Variants in PLS3 observed in about 807,000 individuals in gnomAD.
PLS3 encodes the protein plastin-3.
PLS3 carries 11 observed loss-of-function variants against 46.5 expected under a neutral mutation model. The observed-to-expected ratio is 0.24, with a 90% CI of 0.15 to 0.39. The LOEUF (loss-of-function observed/expected upper bound fraction) is 0.39, where lower values mean the gene tolerates loss of function less well. Ranked by LOEUF, PLS3 falls within the 10% of genes least tolerant of loss-of-function variation. PLS3 has a pLI of 1.00. For synonymous variants in PLS3, 167 were observed against 162.2 expected (o/e 1.03, Z -0.22); for missense variants, 308 against 461.8 (o/e 0.67, Z 3.05).
chrX:115,569,666 C>T (rs2074200582), intron 1 of PLS3, among the ~76,000 whole-genome samples: 2 of 111,618 alleles, frequency 1.8e-5, no homozygotes, highest in Non-Finnish European at 3.8e-5. Flanking sequence ...TTGTACATTA[C>T]ATATCCCTCC....
chrX:115,617,330 C>T (rs1219757513), intron 2 of PLS3, among the ~76,000 whole-genome samples: 4 of 111,732 alleles, frequency 3.6e-5, no homozygotes, highest in Non-Finnish European at 7.5e-5. Flanking sequence ...GATCTGAAGG[C>T]TGCTGGGTAG....
At chrX:115,563,611 G>T (rs1392913854) in intron 1 of PLS3, among the ~76,000 whole-genome samples, 1 of 111,904 alleles carries the variant, frequency 8.9e-6, no homozygotes, top group Non-Finnish European at 1.9e-5. Context: ...AACAACTAGG[G>T]CAGAAGATAT....
rs782335087 is a variant in PLS3, at chrX:115,636,844, G to A, written c.757G>A (p.Ala253Thr). The A allele has an allele frequency of 8.4e-7, 1 of 1,188,988 alleles. No individual in the cohort carries two copies. The highest frequency in any genetic ancestry group is 1.9e-5 in the South Asian group (1 of 53,276). Reference protein sequence around the residue: ...IELSRNEALAALLRDGETLEE... With the variant: ...IELSRNEALATLLRDGETLEE... ...TTTTTTTTTTCTTCTAGCCTTGGCT[G>A]CTTTACTCCGAGATGGTGAGACTTT... is the stretch of plus-strand genomic sequence containing the variant. The change falls in exon 8 of 16, where the codon GCT (alanine) becomes ACT (threonine). Residue 253 changes from alanine (A) to threonine (T), a missense_variant. By Grantham distance (58) the Ala-to-Thr change is moderately conservative (BLOSUM62 0). This residue lies in a region of PLS3 where 271 missense variants were observed against 435.7 expected (regional missense o/e 0.62). Coordinates refer to ENST00000355899, the MANE Select transcript of PLS3 (RefSeq NM_005032.7).
rs782103674 is a variant in PLS3, at chrX:115,629,929, T to C, written c.462T>C (p.Asp154=). 5 of 1,186,423 alleles carry C rather than the reference T, an allele frequency of 4.2e-6. No individual in the cohort carries two copies. The highest frequency in any genetic ancestry group is 3.7e-5 in the South Asian group (2 of 54,252). ...TTATACCAATGAACCCTAACACCGA[T>C]GACCTGTTCAAAGCTGTTGGTGATG... ...RHVIPMNPNT[D]DLFKAVGDGI... The change falls in exon 5 of 16, where the codon GAT becomes GAC. Residue 154 remains aspartate (D), a synonymous_variant. Transcript: ENST00000355899.
intron 1 of PLS3, chrX:115,562,666 C>T (rs2074147056): frequency 9.0e-6 from 1 of 111,604 alleles, no homozygotes; most frequent in African/African-American, 3.3e-5. Context: ...GGAGCCTAAA[C>T]TTGATCCTCG....
intron 1 of PLS3, among the ~76,000 whole-genome samples, chrX:115,575,253 A>G (rs1373636496): frequency 1.8e-5 from 2 of 111,528 alleles, no homozygotes; most frequent in Admixed American, 9.6e-5. Flanking sequence ...CCATCGATGG[A>G]TATTTGGGGT....
At chrX:115,599,956 T>C (rs914194154) in intron 1 of PLS3, among the ~76,000 whole-genome samples, 3 of 110,723 alleles carry the variant, frequency 2.7e-5, no homozygotes, top group Admixed American at 9.8e-5. Context: ...TAATTGTGCT[T>C]CACAGCTTTG....
Position 115,634,896 on chromosome X carries a change from G to A in PLS3, c.598G>A (p.Ala200Thr). ...TGTCTTGCAGGAAAACTTGAACTTG[G>A]CACTGAACTCTGCTTCTGCCATTGG... ...PFIIQENLNL[A>T]LNSASAIGCH... Residue 200 changes from alanine (A) to threonine (T), a missense_variant, in exon 7 of 16, where the codon GCA becomes ACA. By Grantham distance (58) the Ala-to-Thr change is moderately conservative. This residue lies in a region of PLS3 where 271 missense variants were observed against 435.7 expected (regional missense o/e 0.62). Coordinates refer to ENST00000355899, the MANE Select transcript of PLS3 (RefSeq NM_005032.7). 8.3e-7 allele frequency: 1 copy of A among 1,207,648 alleles called. No individual in the cohort carries two copies. The highest frequency in any genetic ancestry group is 3.0e-5 in the East Asian group (1 of 33,785).
intron 1 of PLS3, among the ~76,000 whole-genome samples, chrX:115,592,680 G>GT (rs1325152118): frequency 9.0e-6 from 1 of 111,680 alleles, no homozygotes; most frequent in Non-Finnish European, 1.9e-5. Context: ...CAGTTATCAC[G>GT]TATCTAGTAC....
At chrX:115,579,157 AT>A (rs781973043) in intron 1 of PLS3, among the ~76,000 whole-genome samples, 1 of 112,289 alleles carries the variant, frequency 8.9e-6, no homozygotes, top group Non-Finnish European at 1.9e-5. Context: ...ATGGAATGAT[AT>A]ATAGTATGTA....
chrX:115,572,920 C>A (rs2074224834), intron 1 of PLS3, among the ~76,000 whole-genome samples: 1 of 109,454 alleles, frequency 9.1e-6, no homozygotes, highest in Admixed American at 9.8e-5. Flanking sequence ...TGGTGAAACC[C>A]CGTCTCTACT....
chrX:115,571,126 C>T (rs1230181607), intron 1 of PLS3, among the ~76,000 whole-genome samples: 1 of 110,863 alleles, frequency 9.0e-6, no homozygotes, highest in Non-Finnish European at 1.9e-5. Context: ...GATCTCCTAA[C>T]CTCATGACCA....
chrX:115,602,967 G>C lies in PLS3; in HGVS notation c.-8-7276G>C, dbSNP rs1256969396. ...GGACCTCATGGTACTGAATGACACA[G>C]ATGAATAAGTAGATTATTCAGTCAG... On this transcript the variant is annotated intron_variant, in intron 1 of 15. Transcript: ENST00000355899. Among the ~76,000 whole-genome samples the C allele has an allele frequency of 2.7e-5, 3 of 111,450 alleles. No individual in the cohort carries two copies. In the Admixed American group the frequency reaches 2.9e-4, roughly 11 times the overall value.
chrX:115,641,249 A>G (rs1205802708), intron 9 of PLS3, among the ~76,000 whole-genome samples: 2 of 86,852 alleles, frequency 2.3e-5, no homozygotes, highest in Non-Finnish European at 4.4e-5. Flanking sequence ...TTTTTTTGAG[A>G]CAGAGTCTCA....
At chrX:115,574,021 A>G (rs1320918270) in intron 1 of PLS3, among the ~76,000 whole-genome samples, 1 of 111,175 alleles carries the variant, frequency 9.0e-6, no homozygotes, top group Non-Finnish European at 1.9e-5. Flanking sequence ...ACAGAATTCA[A>G]ATTGAGCAGG....
intron 1 of PLS3, among the ~76,000 whole-genome samples, chrX:115,568,099 C>T (rs1008691052): frequency 3.6e-5 from 4 of 111,118 alleles, no homozygotes; most frequent in Non-Finnish European, 5.7e-5. Flanking sequence ...TGAATGTTCC[C>T]ATTTTTGCCA....
At chrX:115,623,269 T>A (rs781960569) in intron 3 of PLS3, among the ~76,000 whole-genome samples, 117 of 111,514 alleles carry the variant, frequency 1.0e-3, no homozygotes, top group African/African-American at 3.7e-3. Flanking sequence ...GGCAGGAGGG[T>A]CTCTTGAGGC....
chrX:115,629,365 T>A (rs781840921), intron 4 of PLS3, 38 bp downstream of exon 4: 1 of 1,127,669 alleles, frequency 8.9e-7, no homozygotes, highest in Admixed American at 2.4e-5. Flanking sequence ...CACAATGTGC[T>A]AAGTGGGATG....
intron 5 of PLS3, among the ~76,000 whole-genome samples, chrX:115,630,703 G>GTA (rs34875480): frequency 1.1e-5 from 1 of 94,007 alleles, no homozygotes; most frequent in Admixed American, 1.3e-4. Flanking sequence ...ACATATATAT[G>GTA]TATATATATA....
Sources: allele counts gnomAD v4.1 joint callset (sites outside exome capture counted in the v4.1 genomes callset), GRCh38; gene constraint gnomAD v4.1.1; regional missense constraint gnomAD v4.1.1; transcripts MANE v1.5; gene names NCBI Gene and HGNC (gene_info 2026-07-23, HGNC 2026-07-21).